The following CYB5B variants were observed in gnomAD, a reference collection of about 807,000 sequenced individuals.
CYB5B encodes the protein cytochrome b5 type B.
CYB5B carries 14 observed loss-of-function variants against 21.3 expected under a neutral mutation model. The observed-to-expected ratio is 0.66, with a 90% CI of 0.43 to 1.03. The LOEUF (loss-of-function observed/expected upper bound fraction) is 1.03. Among genes scored for constraint, CYB5B ranks in the 50% least tolerant of loss-of-function variants. CYB5B has a pLI of 0.00. For synonymous variants in CYB5B, 69 were observed against 68.4 expected (o/e 1.01, Z -0.04); for missense variants, 166 against 185.1 (o/e 0.90, Z 0.60).
In CYB5B at chr16:69,424,723, G is replaced by T; in HGVS notation, c.40G>T (p.Asp14Tyr). 2 of 1,597,458 alleles carry T rather than the reference G, an allele frequency of 1.3e-6. No individual in the cohort carries two copies. The highest frequency in any genetic ancestry group is 4.7e-5 in the East Asian group (2 of 42,892). ...GGCGACTGCGGAAGCTAGCGGCAGCGATGGGAAAGGGCAGGAAGTCGAGAC... is the reference window on the plus strand; with the variant it reads ...GGCGACTGCGGAAGCTAGCGGCAGCTATGGGAAAGGGCAGGAAGTCGAGAC... Reference protein sequence around the residue: ...SMATAEASGSDGKGQEVETSV... With the variant: ...SMATAEASGSYGKGQEVETSV... The change falls in exon 1 of 5, where the codon GAT becomes TAT. Residue 14 changes from aspartate to tyrosine, a missense_variant. By Grantham distance (160) the Asp-to-Tyr change is radical (BLOSUM62 -3). Transcript: ENST00000307892.
At chr16:69,434,237 A>C (rs1456010453) in intron 1 of CYB5B, among the ~76,000 whole-genome samples, 2 of 152,194 alleles carry the variant, frequency 1.3e-5, no homozygotes, top group Non-Finnish European at 2.9e-5. Context: ...CATTGTGTGA[A>C]CATACCAAAA....
At chr16:69,436,211 A>G (rs1312715656) in intron 1 of CYB5B, among the ~76,000 whole-genome samples, 6 of 152,374 alleles carry the variant, frequency 3.9e-5, no homozygotes, top group Non-Finnish European at 8.8e-5. Flanking sequence ...TAAAACAGCC[A>G]TGAATGGGAC....
At chr16:69,427,109 A>C (rs911193276) in intron 1 of CYB5B, among the ~76,000 whole-genome samples, 3 of 152,074 alleles carry the variant, frequency 2.0e-5, no homozygotes, top group Non-Finnish European at 2.9e-5. Flanking sequence ...GCTTGGTGGC[A>C]CCTGTGATCT....
rs1270866422 is a variant in CYB5B at position 69,463,118 on chromosome 16, A to G, written c.*598A>G. 6.6e-6 allele frequency: 1 copy of G among 152,326 alleles called. No individual in the cohort carries two copies. The highest frequency in any genetic ancestry group is 6.5e-5 in the Admixed American group (1 of 15,288). The allele number at this position is 152,326 out of a possible 1,614,324, so 9.4% of individuals were successfully genotyped here. A position where few individuals can be genotyped will look rare whatever the true frequency, so the allele number is the denominator to read the frequency against. On this transcript the variant is annotated 3_prime_UTR_variant, in exon 5 of 5. Coordinates refer to ENST00000307892, the MANE Select transcript of CYB5B (RefSeq NM_030579.3). ...CTGATTTAATTCTTTTATTTATCAT[A>G]AGGGGTTTAATTCCTGAAGTAAAGG...
chr16:69,440,467 C>A (rs1305330663), intron 1 of CYB5B, among the ~76,000 whole-genome samples: 1 of 152,122 alleles, frequency 6.6e-6, no homozygotes, highest in African/African-American at 2.4e-5. Context: ...CCAGAGGTAC[C>A]CACTGTATTA....
At chr16:69,455,769 A>G (rs1334584654) in intron 3 of CYB5B, among the ~76,000 whole-genome samples, 2 of 151,974 alleles carry the variant, frequency 1.3e-5, no homozygotes, top group Non-Finnish European at 1.5e-5. Context: ...TGCGACAAGG[A>G]TCTGGGAAAT....
intron 1 of CYB5B, among the ~76,000 whole-genome samples, chr16:69,426,116 C>T (rs920636314): frequency 6.6e-6 from 1 of 151,978 alleles, no homozygotes; most frequent in South Asian, 2.1e-4. Flanking sequence ...AAAGTGCTTT[C>T]CGGTCGGGCG....
chr16:69,440,824 T>G (rs1308282112), intron 1 of CYB5B, among the ~76,000 whole-genome samples: 1 of 148,994 alleles, frequency 6.7e-6, no homozygotes, highest in Non-Finnish European at 1.5e-5. Flanking sequence ...GGATCTCATT[T>G]GATTTTTTTT....
At position 69,435,536 on chromosome 16, in the gene CYB5B, G is replaced by C. The variant is rs2014751572; in HGVS notation, c.174+10679G>C. ...TCCCAGGGTATTTCTTGAAAGCTTT[G>C]GCATTTGACTAATAATTCCTACTGT... On this transcript the variant is annotated intron_variant, in intron 1 of 4. Transcript: ENST00000307892. Among the ~76,000 whole-genome samples, 4 of 152,178 alleles carry C rather than the reference G, an allele frequency of 2.6e-5. No homozygotes were observed. The South Asian group carries it at 8.3e-4, about 32-fold the overall frequency.
intron 1 of CYB5B, among the ~76,000 whole-genome samples, chr16:69,446,894 A>G (rs2014883897): frequency 6.6e-6 from 1 of 152,182 alleles, no homozygotes; most frequent in African/African-American, 2.4e-5. Flanking sequence ...CCTGTCCAGA[A>G]AGATTTTGTA....
chr16:69,443,043 G>C lies in CYB5B; in HGVS notation c.175-4107G>C, dbSNP rs539917046. ...GGCTCACTGAAAACTTCGCCTCCCG[G>C]GTTCAAGTGGTTTTCCCGAATAGTT... On this transcript the variant is annotated intron_variant, in intron 1 of 4. Coordinates refer to ENST00000307892, the MANE Select transcript of CYB5B (RefSeq NM_030579.3). Among the ~76,000 whole-genome samples the C allele has an allele frequency of 2.6e-5, 4 of 152,078 alleles. No individual in the cohort carries two copies. In the East Asian group the frequency reaches 5.8e-4, roughly 22 times the overall value.
chr16:69,453,563 G>GTTTT (rs2014955843), intron 3 of CYB5B, among the ~76,000 whole-genome samples: 1 of 151,848 alleles, frequency 6.6e-6, no homozygotes, highest in Admixed American at 6.6e-5. Flanking sequence ...GTTTTGTTTT[G>GTTTT]TTTTTGGGCG....
At chr16:69,460,876 C>A (rs2015028511) in intron 4 of CYB5B, among the ~76,000 whole-genome samples, 1 of 152,078 alleles carries the variant, frequency 6.6e-6, no homozygotes, top group South Asian at 2.1e-4. Context: ...AAAAATCTGT[C>A]TTATGGTAGG....
intron 1 of CYB5B, among the ~76,000 whole-genome samples, chr16:69,439,706 A>G (rs1374114241): frequency 1.3e-5 from 2 of 151,940 alleles, no homozygotes; most frequent in Admixed American, 6.6e-5. Context: ...AGCTGGAATT[A>G]TAGGAGCGGG....
chr16:69,444,945 A>T (rs778611747), intron 1 of CYB5B, among the ~76,000 whole-genome samples: 119 of 152,234 alleles, frequency 7.8e-4, no homozygotes, highest in Non-Finnish European at 1.3e-3. Context: ...TTAATATTTT[A>T]AAAAAGTGTT....
intron 4 of CYB5B, among the ~76,000 whole-genome samples, chr16:69,462,145 C>T (rs2015040911): frequency 1.3e-5 from 2 of 152,092 alleles, no homozygotes; most frequent in Non-Finnish European, 2.9e-5. Context: ...ATCCCTAACT[C>T]AGAAATAACC....
intron 3 of CYB5B, among the ~76,000 whole-genome samples, chr16:69,453,608 A>T (rs2014956342): frequency 6.6e-6 from 1 of 152,052 alleles, no homozygotes; most frequent in Non-Finnish European, 1.5e-5. Context: ...CCCAGGTTGG[A>T]GTGCAGTGGC....
chr16:69,433,111 C>T (rs554633810), intron 1 of CYB5B, among the ~76,000 whole-genome samples: 1 of 152,244 alleles, frequency 6.6e-6, no homozygotes, highest in Admixed American at 6.5e-5. Flanking sequence ...GGCCTGTACT[C>T]TTAACCGTAC....
intron 1 of CYB5B, among the ~76,000 whole-genome samples, chr16:69,429,343 G>T (rs1045970721): frequency 6.6e-6 from 1 of 152,096 alleles, no homozygotes; most frequent in Non-Finnish European, 1.5e-5. Context: ...TCCCTTATTT[G>T]TCCCCGCCCA....
Sources: gnomAD v4.1 joint callset for allele counts (sites outside exome capture counted in the v4.1 genomes callset) on GRCh38, gnomAD v4.1.1 for gene constraint, MANE v1.5 for transcripts, NCBI Gene and HGNC (gene_info 2026-07-23, HGNC 2026-07-21) for gene names.